SLC28A1: variants seen among roughly 807,000 people sequenced by gnomAD.
SLC28A1 encodes sodium/nucleoside cotransporter 1.
In SLC28A1, 64 loss-of-function variants were observed where a neutral mutation model predicts 74.8. That is an observed-to-expected ratio of 0.86 (90% CI 0.70 to 1.05). SLC28A1 has a LOEUF of 1.05. Among genes scored for constraint, SLC28A1 ranks in the 50% least tolerant of loss-of-function variants. SLC28A1 has a pLI of 0.00. For synonymous variants in SLC28A1, 359 were observed against 335.0 expected (o/e 1.07, Z -0.78); for missense variants, 828 against 822.8 (o/e 1.01, Z -0.08).
intron 10 of SLC28A1, 79 bp downstream of exon 10, chr15:84,918,683 C>T (rs1465863310): frequency 9.0e-7 from 1 of 1,114,708 alleles, no homozygotes; most frequent in Non-Finnish European, 1.4e-6. Flanking sequence ...GAATGCCTTG[C>T]TCCCAGAGCC....
In SLC28A1 at chr15:84,943,524, T is replaced by A; in HGVS notation, c.1661T>A (p.Leu554Ter). The A allele has an allele frequency of 1.2e-6, 2 of 1,612,742 alleles. No individual in the cohort carries two copies. Among genetic ancestry groups the A allele is most frequent in the Admixed American group, 3.3e-5 (2 of 60,022 alleles). ...FSSIGIMLGG[L>*]TSMVPQRKSD... Reference sequence around the variant, plus strand: ...TCCATTGGGATCATGCTGGGAGGCTTGAGTGAGTCTAATCAGGGCCTCACC... The same window carrying A: ...TCCATTGGGATCATGCTGGGAGGCTAGAGTGAGTCTAATCAGGGCCTCACC... The change falls in exon 16 of 19, where the codon TTG becomes TAG. Residue 554 changes from leucine to a stop codon, truncating the protein, a stop_gained and splice_region_variant. Transcript: ENST00000394573. LOFTEE classifies it high-confidence loss of function.
intron 4 of SLC28A1, among the ~76,000 whole-genome samples, chr15:84,889,709 TTTCC>T (rs1327916243): frequency 0.036 from 966 of 26,906 alleles, 14 homozygotes; most frequent in East Asian, 0.097. Context: ...TCCTTCCTTC[TTTCC>T]TTCCTTCCTT....
chr15:84,886,976 G>C (rs1435669822), intron 2 of SLC28A1, among the ~76,000 whole-genome samples, 189 bp downstream of exon 2: 1 of 152,228 alleles, frequency 6.6e-6, no homozygotes, highest in Non-Finnish European at 1.5e-5. Flanking sequence ...GGGAACAAGA[G>C]AAGGGAGAGA....
At chr15:84,938,103 G>GGC (rs1341965941) in intron 15 of SLC28A1, among the ~76,000 whole-genome samples, 2 of 151,612 alleles carry the variant, frequency 1.3e-5, no homozygotes, top group Non-Finnish European at 2.9e-5. Flanking sequence ...AGGAGGCTGG[G>GGC]GCAAGAGACT....
chr15:84,941,601 C>T (rs1330144723), intron 15 of SLC28A1, among the ~76,000 whole-genome samples: 3 of 151,852 alleles, frequency 2.0e-5, no homozygotes, highest in Admixed American at 1.3e-4. Flanking sequence ...CTGGAAAGTG[C>T]GGCTGGGCAC....
In SLC28A1 at chr15:84,904,353, G is replaced by C. The variant is rs1415766985; in HGVS notation, c.603+115G>C. The C allele has an allele frequency of 8.1e-6, 12 of 1,479,702 alleles. No individual in the cohort carries two copies. The Admixed American group carries it at 2.0e-4, about 25-fold the overall frequency. The allele number at this position is 1,479,702 out of a possible 1,614,324, so 91.7% of individuals were successfully genotyped here. A position where few individuals can be genotyped will look rare whatever the true frequency, so the allele number is the denominator to read the frequency against. On this transcript the variant is annotated intron_variant, in intron 7 of 18. Transcript: ENST00000394573. ...TGTTCCTGTTGGGAGAGCCCTGGAGGCTCAGGGCCTGGAGAAGGCCTGTGT... is the reference window on the plus strand; with the variant it reads ...TGTTCCTGTTGGGAGAGCCCTGGAGCCTCAGGGCCTGGAGAAGGCCTGTGT...
chr15:84,953,305 C>T, the SLC28A1 span, among the ~76,000 whole-genome samples: 1 of 152,194 alleles, frequency 6.6e-6, no homozygotes. Context: ...CTGAAAAGTT[C>T]CGTAACTCGG....
At chr15:84,966,668 G>T in the SLC28A1 span, among the ~76,000 whole-genome samples, 1 of 152,150 alleles carries the variant, frequency 6.6e-6, no homozygotes, top group Non-Finnish European at 1.5e-5. Context: ...AAGGTGAAAG[G>T]CACATCTCAC....
At chr15:84,885,662 C>T (rs1305593477) in intron 1 of SLC28A1, among the ~76,000 whole-genome samples, 7 of 145,042 alleles carry the variant, frequency 4.8e-5, no homozygotes, top group South Asian at 4.3e-4. Context: ...ACTTGGGAGG[C>T]GGAGGTTGCA....
intron 3 of SLC28A1, 104 bp downstream of exon 3, chr15:84,887,960 C>G (rs1009340562): frequency 1.2e-5 from 10 of 813,562 alleles, no homozygotes; most frequent in Non-Finnish European, 2.2e-5. Flanking sequence ...CCTCATACCC[C>G]ATTCTTCTGC....
At chr15:84,905,820 G>A (rs1488839405) in intron 8 of SLC28A1, among the ~76,000 whole-genome samples, 168 bp downstream of exon 8, 2 of 151,962 alleles carry the variant, frequency 1.3e-5, no homozygotes, top group Non-Finnish European at 2.9e-5. Context: ...GGACCAGGCA[G>A]TGCAGCTGCC....
intron 12 of SLC28A1, among the ~76,000 whole-genome samples, chr15:84,931,153 G>A (rs1012403849): frequency 1.0e-3 from 154 of 151,608 alleles, no homozygotes; most frequent in African/African-American, 3.5e-3. Context: ...TGATCTGCCC[G>A]CCTTGGCCTC....
chr15:84,918,656 G>A, intron 10 of SLC28A1, 52 bp downstream of exon 10: 5 of 1,380,814 alleles, frequency 3.6e-6, no homozygotes, highest in Non-Finnish European at 5.2e-6. Context: ...CCAGCTCACA[G>A]GGTTCACACT....
chr15:84,949,926 G>A (rs930220486), downstream of SLC28A1, among the ~76,000 whole-genome samples: 1 of 152,064 alleles, frequency 6.6e-6, no homozygotes, highest in Non-Finnish European at 1.5e-5. Flanking sequence ...CCACCAAGGA[G>A]TGCAACAAGT....
At chr15:84,894,917 C>T in intron 5 of SLC28A1, 23 bp from the exon 6 acceptor site, 1 of 1,611,758 alleles carries the variant, frequency 6.2e-7, no homozygotes, top group East Asian at 2.2e-5. Context: ...GGCTGTTGAC[C>T]CCTCCTCTGT....
chr15:84,920,191 A>G (rs1015514059), intron 10 of SLC28A1, among the ~76,000 whole-genome samples: 1 of 152,200 alleles, frequency 6.6e-6, no homozygotes, highest in Non-Finnish European at 1.5e-5. Flanking sequence ...CATGCCTGTA[A>G]TCCCAGCACT....
intron 9 of SLC28A1, among the ~76,000 whole-genome samples, chr15:84,911,872 A>AG (rs1289662623): frequency 3.3e-5 from 5 of 149,352 alleles, no homozygotes; most frequent in Non-Finnish European, 5.9e-5. Flanking sequence ...AAAAAAAAAA[A>AG]AAAAAGAAGA....
the SLC28A1 span, among the ~76,000 whole-genome samples, chr15:84,969,555 T>C: frequency 6.6e-6 from 1 of 152,266 alleles, no homozygotes; most frequent in Non-Finnish European, 1.5e-5. Context: ...TTCTGTAATT[T>C]GCTGGATCCC....
chr15:84,918,698 C>T (rs1408482385), intron 10 of SLC28A1, 94 bp downstream of exon 10: 2 of 930,112 alleles, frequency 2.2e-6, no homozygotes, highest in Non-Finnish European at 3.5e-6. Context: ...AGAGCCCAAA[C>T]CTCCCCAGAC....
Sources: allele counts gnomAD v4.1 joint callset (sites outside exome capture counted in the v4.1 genomes callset), GRCh38; gene constraint gnomAD v4.1.1; transcripts MANE v1.5; gene names NCBI Gene and HGNC (gene_info 2026-07-23, HGNC 2026-07-21).